The following RASAL2 variants were observed in gnomAD, a reference collection of about 807,000 sequenced individuals.
RASAL2 encodes the protein RAS protein activator like 2.
Under a neutral mutation model 128.9 loss-of-function variants are expected in RASAL2, and 58 were observed. That is an observed-to-expected ratio of 0.45 (90% CI 0.36 to 0.56). The LOEUF is 0.56. Ranked by LOEUF, RASAL2 falls within the 20% of genes least tolerant of loss-of-function variation. The pLI, the probability that RASAL2 is intolerant of heterozygous loss-of-function variation, is 0.00. For synonymous variants in RASAL2, 561 were observed against 580.8 expected, an observed-to-expected ratio of 0.97 and a Z score of 0.49; for missense variants, 1,360 against 1,601.6, an observed-to-expected ratio of 0.85 and a Z score of 2.57.
chr1:178,114,715 T>G (rs1250752826), intron 1 of RASAL2, among the ~76,000 whole-genome samples: 6 of 151,954 alleles, frequency 3.9e-5, no homozygotes, highest in Non-Finnish European at 7.4e-5. Flanking sequence ...GTAGAGACGG[T>G]GTTTCACCAT....
intron 1 of RASAL2, among the ~76,000 whole-genome samples, chr1:178,242,415 A>G (rs951564663): frequency 2.7e-5 from 4 of 145,572 alleles, no homozygotes; most frequent in African/African-American, 1.0e-4. Flanking sequence ...GACAATTTTT[A>G]TAATTCATTC....
chr1:178,446,444 G>A (rs891013246), intron 9 of RASAL2, among the ~76,000 whole-genome samples: 1 of 152,118 alleles, frequency 6.6e-6, no homozygotes, highest in African/African-American at 2.4e-5. Context: ...AAAGGATGAA[G>A]AGAAACAGGT....
In RASAL2 at chr1:178,346,403, TA is replaced by T. The variant is rs369075200; in HGVS notation, c.458-43685del. Among the ~76,000 whole-genome samples the T allele has an allele frequency of 3.6e-3, 513 of 143,342 alleles. 2 individuals carry two copies. The highest frequency in any genetic ancestry group is 8.2e-3 in the African/African-American group (320 of 39,214). The allele number at this position is 143,342 out of a possible 152,430, so 94.0% of individuals were successfully genotyped here. On this transcript the variant is annotated intron_variant, in intron 3 of 17. Coordinates refer to ENST00000367649, the MANE Select transcript of RASAL2 (RefSeq NM_170692.4). ...GTGACAGAGCAAAACCTTGTATCTT[TA>T]AAAAAAAAAAAGAAAGAAAGAAAGA...
At chr1:178,107,224 T>C (rs1659123358) in intron 1 of RASAL2, among the ~76,000 whole-genome samples, 1 of 152,170 alleles carries the variant, frequency 6.6e-6, no homozygotes, top group African/African-American at 2.4e-5. Flanking sequence ...TTTTGAAATA[T>C]TACCCTCTAT....
intron 15 of RASAL2, among the ~76,000 whole-genome samples, chr1:178,465,181 T>A (rs908836558): frequency 2.0e-5 from 3 of 152,086 alleles, no homozygotes; most frequent in African/African-American, 7.2e-5. Flanking sequence ...CAGCAAGCAG[T>A]ACAAAATTGG....
chr1:178,335,608 C>T (rs757196180), intron 3 of RASAL2, among the ~76,000 whole-genome samples: 3 of 152,150 alleles, frequency 2.0e-5, no homozygotes, highest in Non-Finnish European at 4.4e-5. Flanking sequence ...TCCGTATTCT[C>T]GGACACAGAT....
At chr1:178,240,796 A>G (rs548731087) in intron 1 of RASAL2, among the ~76,000 whole-genome samples, 6 of 151,866 alleles carry the variant, frequency 4.0e-5, no homozygotes, top group African/African-American at 1.4e-4. Flanking sequence ...GTGACTGCAA[A>G]TCAATATCCT....
intron 1 of RASAL2, among the ~76,000 whole-genome samples, chr1:178,256,935 A>G (rs1571719134): frequency 6.6e-6 from 1 of 152,072 alleles, no homozygotes; most frequent in African/African-American, 2.4e-5. Flanking sequence ...CAGCCTCCCA[A>G]AGTGCTAGGA....
At chr1:178,132,575 A>G (rs978622182) in intron 1 of RASAL2, among the ~76,000 whole-genome samples, 1 of 152,166 alleles carries the variant, frequency 6.6e-6, no homozygotes, top group Admixed American at 6.5e-5. Context: ...GGTTGGTGCA[A>G]AAGTAATGGT....
At chr1:178,145,313 G>C (rs1444216231) in intron 1 of RASAL2, among the ~76,000 whole-genome samples, 1 of 151,558 alleles carries the variant, frequency 6.6e-6, no homozygotes, top group Admixed American at 6.6e-5. Flanking sequence ...TTTTTGTTTT[G>C]TTTTTAGCCC....
At chr1:178,180,363 G>A (rs1662047208) in intron 1 of RASAL2, among the ~76,000 whole-genome samples, 2 of 151,580 alleles carry the variant, frequency 1.3e-5, no homozygotes, top group South Asian at 2.1e-4. Context: ...ATACTAAGAG[G>A]CTGGGCATGG....
At chr1:178,182,465 C>T (rs903583107) in intron 1 of RASAL2, among the ~76,000 whole-genome samples, 3 of 152,168 alleles carry the variant, frequency 2.0e-5, no homozygotes, top group African/African-American at 4.8e-5. Context: ...TAGGTCCTCT[C>T]TGCTGACAGA....
chr1:178,124,595 G>T (rs985390789), intron 1 of RASAL2, among the ~76,000 whole-genome samples: 2 of 152,100 alleles, frequency 1.3e-5, no homozygotes, highest in Admixed American at 6.6e-5. Flanking sequence ...TTATTTTACC[G>T]TTAGTTTACT....
At chr1:178,157,982 C>T (rs1402799104) in intron 1 of RASAL2, among the ~76,000 whole-genome samples, 3 of 152,148 alleles carry the variant, frequency 2.0e-5, no homozygotes, top group Non-Finnish European at 2.9e-5. Context: ...TGCTCTTCAT[C>T]TTCTATTGAT....
intron 1 of RASAL2, among the ~76,000 whole-genome samples, chr1:178,187,590 A>G (rs1662349745): frequency 6.6e-6 from 1 of 152,182 alleles, no homozygotes; most frequent in African/African-American, 2.4e-5. Flanking sequence ...AAAAGTTCAC[A>G]AAAGGTGAAC....
intron 1 of RASAL2, among the ~76,000 whole-genome samples, chr1:178,199,735 A>G (rs1033264576): frequency 2.0e-5 from 3 of 152,138 alleles, no homozygotes; most frequent in Admixed American, 2.0e-4. Flanking sequence ...GTGATGGTTA[A>G]TAGTGTCAAC....
intron 3 of RASAL2, among the ~76,000 whole-genome samples, chr1:178,377,516 G>A (rs1672054488): frequency 6.6e-6 from 1 of 152,094 alleles, no homozygotes; most frequent in Non-Finnish European, 1.5e-5. Context: ...TATAATATAG[G>A]AGATGGGCCA....
intron 3 of RASAL2, among the ~76,000 whole-genome samples, chr1:178,324,105 T>C (rs1333336400): frequency 1.3e-5 from 2 of 152,192 alleles, no homozygotes; most frequent in African/African-American, 2.4e-5. Context: ...TTGGATGAGA[T>C]TTTTATTATG....
At chr1:178,265,847 T>G (rs1331948138) in intron 1 of RASAL2, among the ~76,000 whole-genome samples, 1 of 152,254 alleles carries the variant, frequency 6.6e-6, no homozygotes, top group African/African-American at 2.4e-5. Flanking sequence ...TACCCAATTT[T>G]GATGTTTAAA....
Sources: allele counts gnomAD v4.1 joint callset (sites outside exome capture counted in the v4.1 genomes callset), GRCh38; gene constraint gnomAD v4.1.1; transcripts MANE v1.5; gene names NCBI Gene and HGNC (gene_info 2026-07-23, HGNC 2026-07-21).